The following EBF1 variants were observed in gnomAD, a reference collection of about 807,000 sequenced individuals.
EBF1 encodes the protein transcription factor COE1.
A neutral mutation model predicts 68.4 loss-of-function variants in EBF1; 10 were observed. The ratio of observed to expected loss-of-function variants is 0.15; its 90% CI spans 0.09 to 0.25. The LOEUF (loss-of-function observed/expected upper bound fraction) is 0.25, where lower values mean the gene tolerates loss of function less well. EBF1 is among the 10% of genes least tolerant of loss of function. The pLI is 1.00. For synonymous variants in EBF1, 298 were observed against 299.8 expected (o/e 0.99, Z 0.06); for missense variants, 509 against 794.4 (o/e 0.64, Z 4.32).
At chr5:158,991,556 T>C (rs1231796240) in intron 6 of EBF1, among the ~76,000 whole-genome samples, 2 of 152,240 alleles carry the variant, frequency 1.3e-5, no homozygotes, top group East Asian at 1.9e-4. Flanking sequence ...AATTGTTCAC[T>C]GTCAAGAAAA....
At chr5:158,857,656 C>G (rs1444355168) in intron 6 of EBF1, among the ~76,000 whole-genome samples, 1 of 152,084 alleles carries the variant, frequency 6.6e-6, no homozygotes, top group Non-Finnish European at 1.5e-5. Context: ...CCAAGAGTTT[C>G]ATGATGGTGT....
intron 6 of EBF1, among the ~76,000 whole-genome samples, chr5:158,913,046 T>C (rs1806365245): frequency 1.3e-5 from 2 of 152,216 alleles, no homozygotes; most frequent in South Asian, 4.1e-4. Flanking sequence ...GAGGAATTCA[T>C]CACCAGAAAT....
At chr5:158,969,297 G>A (rs561606049) in intron 6 of EBF1, among the ~76,000 whole-genome samples, 90 of 152,152 alleles carry the variant, frequency 5.9e-4, no homozygotes, top group African/African-American at 2.0e-3. Flanking sequence ...AGCAAGACTC[G>A]GTCCCCCCAA....
At chr5:158,956,577 A>G (rs1024966287) in intron 6 of EBF1, among the ~76,000 whole-genome samples, 9 of 152,074 alleles carry the variant, frequency 5.9e-5, no homozygotes, top group Non-Finnish European at 1.2e-4. Flanking sequence ...AGGTCTTCCA[A>G]GTTATCTTCA....
At chr5:158,911,460 G>T (rs918338447) in intron 6 of EBF1, among the ~76,000 whole-genome samples, 19 of 151,394 alleles carry the variant, frequency 1.3e-4, no homozygotes, top group African/African-American at 4.6e-4. Flanking sequence ...GGATAGAGGG[G>T]TTTTTTTTTA....
At chr5:158,756,987 A>G (rs1454671431) in intron 10 of EBF1, among the ~76,000 whole-genome samples, 1 of 151,702 alleles carries the variant, frequency 6.6e-6, no homozygotes, top group Non-Finnish European at 1.5e-5. Flanking sequence ...GAAAAAAAAA[A>G]AAAAAAGAAA....
At chr5:158,845,363 C>G (rs1791246874) in intron 6 of EBF1, among the ~76,000 whole-genome samples, 1 of 152,142 alleles carries the variant, frequency 6.6e-6, no homozygotes, top group South Asian at 2.1e-4. Context: ...TAGCTTTACT[C>G]CTTAATTAAT....
intron 11 of EBF1, among the ~76,000 whole-genome samples, chr5:158,730,252 TCTC>T (rs1763826717): frequency 6.6e-6 from 1 of 152,344 alleles, no homozygotes; most frequent in East Asian, 1.9e-4. Context: ...TTAACTGCCC[TCTC>T]CTCTGAGTCC....
intron 6 of EBF1, among the ~76,000 whole-genome samples, chr5:159,051,577 A>C (rs1034462172): frequency 6.6e-6 from 1 of 150,454 alleles, no homozygotes; most frequent in African/African-American, 2.4e-5. Context: ...CAACAACACA[A>C]ACACCGCCGG....
At chr5:158,731,788 AT>A (rs535287280) in intron 10 of EBF1, among the ~76,000 whole-genome samples, 1 of 152,286 alleles carries the variant, frequency 6.6e-6, no homozygotes, top group South Asian at 2.1e-4. Flanking sequence ...CATTGATATT[AT>A]TTGGGACCAG....
chr5:158,730,021 G>T (rs1423976999), intron 11 of EBF1, among the ~76,000 whole-genome samples: 1 of 152,230 alleles, frequency 6.6e-6, no homozygotes, highest in Non-Finnish European at 1.5e-5. Context: ...GGTTCACCAA[G>T]CTAAGAAGGA....
In EBF1 at chr5:158,775,783, G is replaced by GACACACACAC. The variant is rs58752245; in HGVS notation, c.1036+1620_1036+1629dup. 1.4e-3 allele frequency among the ~76,000 whole-genome samples: 178 copies of GACACACACAC among 129,598 alleles called. 1 individual carries two copies. Among genetic ancestry groups the GACACACACAC allele is most frequent in the African/African-American group, 4.9e-3 (165 of 33,844 alleles). 85.0% of individuals were successfully genotyped at this position (129,598 alleles called of 152,430 possible). ...ACACACACACACACACATGCACACA[G>GACACACACAC]ACACACACACACACACACACACACA... is the stretch of plus-strand genomic sequence containing the variant. On this transcript the variant is annotated intron_variant, in intron 10 of 15. Transcript: ENST00000313708.
intron 6 of EBF1, among the ~76,000 whole-genome samples, chr5:159,018,064 C>T (rs1410154830): frequency 2.6e-5 from 4 of 152,034 alleles, no homozygotes; most frequent in East Asian, 1.9e-4. Context: ...CACCTCCCAT[C>T]GCTAACCCCA....
In EBF1 at chr5:158,696,572, AT is replaced by A; in HGVS notation, c.*2538del. The stretch of plus-strand genomic sequence containing the variant: ...CTTCAGGCCAGCGCTTACCACGCAA[AT>A]TCAGATAACCTTTCTGAGTACCGAG... On this transcript the variant is annotated 3_prime_UTR_variant, in exon 16 of 16. Coordinates refer to ENST00000313708, the MANE Select transcript of EBF1 (RefSeq NM_024007.5). 1 of 223,482 alleles carries A rather than the reference AT, an allele frequency of 4.5e-6. No individual in the cohort carries two copies. 13.8% of individuals were successfully genotyped at this position (223,482 alleles called of 1,614,324 possible).
chr5:158,832,234 C>A (rs1047587295), intron 7 of EBF1, among the ~76,000 whole-genome samples: 2 of 152,310 alleles, frequency 1.3e-5, no homozygotes, highest in East Asian at 3.9e-4. Flanking sequence ...TACATGTTCT[C>A]TAAGTGCAGG....
At chr5:158,840,320 A>C (rs1789934131) in intron 6 of EBF1, among the ~76,000 whole-genome samples, 5 of 152,222 alleles carry the variant, frequency 3.3e-5, no homozygotes, top group Admixed American at 2.6e-4. Context: ...CACTGTTGGC[A>C]CTGCCAACAG....
intron 6 of EBF1, among the ~76,000 whole-genome samples, chr5:158,920,986 A>G (rs1055321794): frequency 6.6e-6 from 1 of 152,212 alleles, no homozygotes; most frequent in African/African-American, 2.4e-5. Context: ...GCTTGGGTAC[A>G]TATCTTCATC....
chr5:159,072,588 T>C (rs1435625314), intron 6 of EBF1, among the ~76,000 whole-genome samples: 1 of 152,216 alleles, frequency 6.6e-6, no homozygotes. Context: ...ATTGACAGTA[T>C]CTATAAACCT....
chr5:158,842,334 C>A (rs1024319108), intron 6 of EBF1, among the ~76,000 whole-genome samples: 16 of 152,162 alleles, frequency 1.1e-4, no homozygotes, highest in African/African-American at 3.9e-4. Context: ...AGGGTTCAAT[C>A]CTATATCCAT....
Sources: gnomAD v4.1 joint callset for allele counts (sites outside exome capture counted in the v4.1 genomes callset) on GRCh38, gnomAD v4.1.1 for gene constraint, MANE v1.5 for transcripts, NCBI Gene and HGNC (gene_info 2026-07-23, HGNC 2026-07-21) for gene names.